ABL1: variants seen among roughly 807,000 people sequenced by gnomAD.
ABL1 encodes ABL proto-oncogene 1, non-receptor tyrosine kinase, also known as tyrosine-protein kinase ABL1.
Under a neutral mutation model 94.7 loss-of-function variants are expected in ABL1, and 11 were observed. The ratio of observed to expected loss-of-function variants is 0.12; its 90% CI spans 0.07 to 0.19. The LOEUF is 0.19. Among genes scored for constraint, ABL1 ranks in the 10% least tolerant of loss-of-function variants. The pLI is 1.00. For synonymous variants in ABL1, 656 were observed against 622.4 expected (o/e 1.05, Z -0.80); for missense variants, 1,082 against 1,489.4 (o/e 0.73, Z 4.50).
At chr9:130,768,246 G>A (rs1406653625) in intron 1 of ABL1, among the ~76,000 whole-genome samples, 1 of 152,162 alleles carries the variant, frequency 6.6e-6, no homozygotes, top group Admixed American at 6.5e-5. Context: ...CTGGCAGCAG[G>A]ATTTACTTGG....
intron 1 of ABL1, among the ~76,000 whole-genome samples, chr9:130,770,462 G>A (rs903160658): frequency 1.3e-5 from 2 of 152,288 alleles, no homozygotes; most frequent in Admixed American, 1.3e-4. Flanking sequence ...AGCTATGACT[G>A]CACCACTGCA....
At chr9:130,776,026 C>T (rs747132727) in intron 1 of ABL1, among the ~76,000 whole-genome samples, 9 of 152,182 alleles carry the variant, frequency 5.9e-5, no homozygotes, top group Admixed American at 2.0e-4. Context: ...TAAACAAAAA[C>T]TGATGTCTCC....
chr9:130,773,218 C>G (rs551486660), intron 1 of ABL1, among the ~76,000 whole-genome samples: 2 of 152,192 alleles, frequency 1.3e-5, no homozygotes, highest in African/African-American at 4.8e-5. Flanking sequence ...ACTCGGGAGG[C>G]TGAAGCAGGA....
At chr9:130,805,450 C>G (rs1830113137) in intron 1 of ABL1, among the ~76,000 whole-genome samples, 1 of 152,120 alleles carries the variant, frequency 6.6e-6, no homozygotes, top group African/African-American at 2.4e-5. Flanking sequence ...GAAAGTTTTT[C>G]TTTTTCTTAC....
In ABL1 at chr9:130,746,123, C is replaced by T. The variant is rs114678723; in HGVS notation, c.136+31668C>T. 6.8e-3 allele frequency among the ~76,000 whole-genome samples: 1,032 copies of T among 152,212 alleles called. 17 individuals are homozygous for T. Among genetic ancestry groups the T allele is most frequent in the African/African-American group, 0.023 (948 of 41,540 alleles). On this transcript the variant is annotated intron_variant, in intron 1 of 10. Transcript: ENST00000372348. ...AGTATGACCGCAGACACCAGCAAAA[C>T]GTCCCACTGCTGCTTATTTCCAAGC...
rs200800111 is a variant in ABL1 at position 130,884,330 on chromosome 9, C to T, written c.2040C>T (p.Gly680=). 2.3e-3 allele frequency: 3,715 copies of T among 1,612,062 alleles called. 14 individuals carry two copies. The highest frequency in any genetic ancestry group is 5.0e-3 in the Middle Eastern group (30 of 6,046). ...NGALRESGGS[G]FRSPHLWKKS... The stretch of plus-strand genomic sequence containing the variant: ...CCCTCCGGGAGTCCGGGGGCTCAGG[C>T]TTCCGGTCTCCCCACCTGTGGAAGA... The change falls in exon 11 of 11, where the codon GGC becomes GGT. Residue 680 remains glycine (G), a synonymous_variant. Transcript: ENST00000318560. This position sits in a 1 kb window ranked among gnomAD's most constrained non-coding sequence, Gnocchi z 5.6.
chr9:130,788,790 T>C (rs1284145307), intron 1 of ABL1, among the ~76,000 whole-genome samples: 1 of 152,222 alleles, frequency 6.6e-6, no homozygotes, highest in Non-Finnish European at 1.5e-5. Flanking sequence ...TACTATTAGA[T>C]TCAAGTTACA....
At chr9:130,875,805 TCCTCCCCTCTC>T (rs1176065415) in intron 7 of ABL1, among the ~76,000 whole-genome samples, 2 of 151,960 alleles carry the variant, frequency 1.3e-5, no homozygotes, top group South Asian at 2.1e-4. Context: ...TTCCTTCCTT[TCCTCCCCTCTC>T]CCTCCCCTCC....
intron 1 of ABL1, among the ~76,000 whole-genome samples, chr9:130,768,722 A>G (rs2132763414): frequency 1.3e-5 from 2 of 152,338 alleles, no homozygotes; most frequent in Middle Eastern, 3.4e-3. Flanking sequence ...CCTGTCTATA[A>G]TAGGCCCACT....
chr9:130,782,509 T>A (rs1384501763), intron 1 of ABL1, among the ~76,000 whole-genome samples: 1 of 152,210 alleles, frequency 6.6e-6, no homozygotes, highest in African/African-American at 2.4e-5. Context: ...GTCTACCCAG[T>A]TTTAAATCCT....
At chr9:130,833,640 G>A (rs1830520901), upstream of ABL1, among the ~76,000 whole-genome samples, 1 of 152,154 alleles carries the variant, frequency 6.6e-6, no homozygotes, top group Admixed American at 6.5e-5. Flanking sequence ...CTAGCAGTAG[G>A]TCCATTCAAT....
chr9:130,717,948 G>A (rs1328916982), intron 1 of ABL1, among the ~76,000 whole-genome samples: 9 of 151,474 alleles, frequency 5.9e-5, no homozygotes, highest in Admixed American at 5.9e-4. Flanking sequence ...CGGAGCGGAG[G>A]TTGCATTGAG....
At chr9:130,797,223 G>A (rs1380801125) in intron 1 of ABL1, among the ~76,000 whole-genome samples, 3 of 111,828 alleles carry the variant, frequency 2.7e-5, no homozygotes, top group African/African-American at 1.0e-4. Context: ...GCGACAGAGT[G>A]AGACTCCATC....
At chr9:130,760,932 C>T (rs541080032) in intron 1 of ABL1, among the ~76,000 whole-genome samples, 46 of 149,342 alleles carry the variant, frequency 3.1e-4, no homozygotes, top group African/African-American at 1.1e-3. Context: ...CTATTTCCTC[C>T]CCCGCCCCTG....
At chr9:130,808,157 T>A (rs944560424) in intron 1 of ABL1, among the ~76,000 whole-genome samples, 46 of 152,122 alleles carry the variant, frequency 3.0e-4, no homozygotes, top group Non-Finnish European at 1.9e-4. Flanking sequence ...TTCATTTTTT[T>A]AAATCAAATA....
chr9:130,884,786 C>T lies in ABL1; in HGVS notation c.2496C>T (p.His832=). ...VTVAPASGLP[H]KEEAGKGSAL... is the part of the protein sequence containing the mutation. The stretch of plus-strand genomic sequence containing the variant: ...TGGCCCCTGCCTCGGGCCTCCCCCA[C>T]AAGGAAGAAGCTGGAAAGGGCAGTG... The change falls in exon 11 of 11, where the codon CAC becomes CAT. Residue 832 remains histidine (H), a synonymous_variant. Transcript: ENST00000318560. This position sits in a 1 kb window ranked among gnomAD's most constrained non-coding sequence, Gnocchi z 5.6. 1 of 1,610,572 alleles carries T rather than the reference C, an allele frequency of 6.2e-7. No individual in the cohort carries two copies. Among genetic ancestry groups the T allele is most frequent in the South Asian group, 1.1e-5 (1 of 90,924 alleles).
At chr9:130,859,267 A>G (rs1415550772) in intron 3 of ABL1, among the ~76,000 whole-genome samples, 1 of 152,166 alleles carries the variant, frequency 6.6e-6, no homozygotes, top group East Asian at 1.9e-4. Flanking sequence ...CTTGAAAGAA[A>G]TTTGCCCAGT....
chr9:130,769,329 CTTTTTTTTTT>C (rs372838676), intron 1 of ABL1, among the ~76,000 whole-genome samples: 1 of 84,292 alleles, frequency 1.2e-5, no homozygotes, highest in Non-Finnish European at 2.3e-5. Context: ...TGGCCCTAGT[CTTTTTTTTTT>C]TTTTTTTTTT....
At chr9:130,778,477 T>G (rs2132779669) in intron 1 of ABL1, among the ~76,000 whole-genome samples, 1 of 152,296 alleles carries the variant, frequency 6.6e-6, no homozygotes, top group Admixed American at 6.5e-5. Flanking sequence ...GCGTGTGCCT[T>G]GGCTGGCTGC....
Sources: allele counts gnomAD v4.1 joint callset (sites outside exome capture counted in the v4.1 genomes callset), GRCh38; gene constraint gnomAD v4.1.1; non-coding constraint Gnocchi (gnomAD v3.1); transcripts MANE v1.5; gene names NCBI Gene and HGNC (gene_info 2026-07-23, HGNC 2026-07-21).